The following WDR72 variants were observed in gnomAD, a reference collection of about 807,000 sequenced individuals.
WDR72 encodes WD repeat-containing protein 72.
In WDR72, 120 loss-of-function variants were observed where a neutral mutation model predicts 124.2. The observed-to-expected ratio is 0.97, with a 90% CI of 0.83 to 1.12. The LOEUF is 1.12. Ranked by LOEUF, WDR72 falls within the 50% of genes most tolerant of loss-of-function variation. The pLI is 0.00. For synonymous variants in WDR72, 452 were observed against 441.7 expected (o/e 1.02, Z -0.29); for missense variants, 1,387 against 1,278.8 (o/e 1.08, Z -1.29).
At chr15:53,664,809 C>T (rs1275845716) in intron 14 of WDR72, among the ~76,000 whole-genome samples, 1 of 151,830 alleles carries the variant, frequency 6.6e-6, no homozygotes, top group East Asian at 1.9e-4. Context: ...CAATGATAGA[C>T]ACACCACATA....
At position 53,724,596 on chromosome 15, in the gene WDR72, C is replaced by T. The variant is rs147838918; in HGVS notation, c.154-1688G>A. On this transcript the variant is annotated intron_variant, in intron 2 of 19. Coordinates refer to ENST00000360509, the MANE Select transcript of WDR72 (RefSeq NM_182758.4). ...CAAACTTTTAAACCATAGGATCTCG[C>T]GAGAACTCACTCACTATCACAAGAA... Among the ~76,000 whole-genome samples, 15 of 152,142 alleles carry T rather than the reference C, an allele frequency of 9.9e-5. 2 individuals are homozygous for T. The highest frequency in any genetic ancestry group is 3.4e-4 in the African/African-American group (14 of 41,520).
At chr15:53,735,937 G>T (rs546951219) in intron 1 of WDR72, among the ~76,000 whole-genome samples, 3 of 149,372 alleles carry the variant, frequency 2.0e-5, no homozygotes, top group African/African-American at 7.6e-5. Context: ...AAACATAATC[G>T]TTAAAATATA....
chr15:53,545,421 C>T (rs1268975080), intron 18 of WDR72, among the ~76,000 whole-genome samples: 2 of 149,930 alleles, frequency 1.3e-5, no homozygotes, highest in African/African-American at 2.5e-5. Flanking sequence ...GAAAGGATTC[C>T]CTATTTAATA....
chr15:53,581,721 A>T (rs116898303), intron 18 of WDR72, among the ~76,000 whole-genome samples: 6,385 of 152,126 alleles, frequency 0.042, 153 homozygotes, highest in Middle Eastern at 0.058. Context: ...TTCTGCTATT[A>T]TGCAACAACA....
intron 18 of WDR72, among the ~76,000 whole-genome samples, chr15:53,588,928 G>C (rs2012356741): frequency 6.6e-6 from 1 of 151,876 alleles, no homozygotes; most frequent in Non-Finnish European, 1.5e-5. Context: ...GCTACTGTAA[G>C]AGACCAGGAA....
Position 53,715,317 on chromosome 15 carries a change from A to G in WDR72, c.390T>C (p.Cys130=). The G allele has an allele frequency of 6.2e-7, 1 of 1,614,194 alleles. No individual in the cohort carries two copies. Among genetic ancestry groups the G allele is most frequent in the Non-Finnish European group, 8.5e-7 (1 of 1,180,020 alleles). ...RMTGEGWLLC[C]GEYQDVLIID... ...TTATAAGGACATCTTGATATTCTCC[A>G]CAACAAAGAAGCCAGCCTTCTCCTG... The change falls in exon 5 of 20, where the codon TGT becomes TGC. Residue 130 remains cysteine (C), a synonymous_variant. Transcript: ENST00000360509.
intron 7 of WDR72, among the ~76,000 whole-genome samples, chr15:53,712,548 T>C (rs1269266062): frequency 6.6e-6 from 1 of 151,570 alleles, no homozygotes; most frequent in African/African-American, 2.4e-5. Flanking sequence ...TGAGCTGAGA[T>C]CGTGCCGCTG....
In WDR72 at chr15:53,521,199, T is replaced by C. The variant is rs189164545; in HGVS notation, c.3253+2019A>G. On this transcript the variant is annotated intron_variant, in intron 19 of 19. Coordinates refer to ENST00000360509, the MANE Select transcript of WDR72 (RefSeq NM_182758.4). ...CAAAATAAAACTGCTTCTTTCTTTT[T>C]AGCTAAGTGTTTGCTATGAGCTTAT... 3.2e-3 allele frequency among the ~76,000 whole-genome samples: 494 copies of C among 152,272 alleles called. 3 individuals are homozygous for C. The highest frequency in any genetic ancestry group is 0.014 in the Middle Eastern group (4 of 294).
At chr15:53,621,430 G>GAT (rs57355125) in intron 14 of WDR72, among the ~76,000 whole-genome samples, 30,807 of 123,968 alleles carry the variant, frequency 0.25, 3,707 homozygotes, top group South Asian at 0.33. Context: ...AAGAAACTGT[G>GAT]ATATATATAT....
intron 19 of WDR72, among the ~76,000 whole-genome samples, chr15:53,522,550 C>T (rs941770464): frequency 6.6e-6 from 1 of 151,972 alleles, no homozygotes; most frequent in Admixed American, 6.6e-5. Context: ...TAAGGCTAGG[C>T]GTGTTTCAAA....
At chr15:53,626,602 A>G (rs2014221514) in intron 14 of WDR72, among the ~76,000 whole-genome samples, 1 of 152,224 alleles carries the variant, frequency 6.6e-6, no homozygotes. Flanking sequence ...AGGGGGTTGC[A>G]GTTGCTGGGC....
chr15:53,674,305 G>C (rs951386463), intron 13 of WDR72, among the ~76,000 whole-genome samples: 1 of 152,142 alleles, frequency 6.6e-6, no homozygotes, highest in African/African-American at 2.4e-5. Flanking sequence ...CTGACTGACA[G>C]TTATAATCAA....
chr15:53,623,737 A>G (rs1334852675), intron 14 of WDR72, among the ~76,000 whole-genome samples: 1 of 152,146 alleles, frequency 6.6e-6, no homozygotes, highest in Non-Finnish European at 1.5e-5. Context: ...CTTCCACAGT[A>G]GGTGAACTAA....
chr15:53,748,751 A>G (rs2018704618), intron 1 of WDR72, among the ~76,000 whole-genome samples: 1 of 152,274 alleles, frequency 6.6e-6, no homozygotes, highest in Admixed American at 6.5e-5. Flanking sequence ...AGATATCCAT[A>G]CTAGTCTCCT....
At chr15:53,624,042 GT>G (rs1201479340) in intron 14 of WDR72, among the ~76,000 whole-genome samples, 3 of 152,120 alleles carry the variant, frequency 2.0e-5, no homozygotes, top group East Asian at 3.9e-4. Context: ...TTTTTTGCTT[GT>G]TCAATTAAGT....
At chr15:53,554,261 CTTGTAGT>C (rs1474881893) in intron 18 of WDR72, among the ~76,000 whole-genome samples, 7 of 151,960 alleles carry the variant, frequency 4.6e-5, no homozygotes, top group Non-Finnish European at 7.4e-5. Flanking sequence ...ATTGTCTCTA[CTTGTAGT>C]AATATCACAC....
chr15:53,742,441 C>A (rs768215251), intron 1 of WDR72, among the ~76,000 whole-genome samples: 1 of 152,086 alleles, frequency 6.6e-6, no homozygotes, highest in Non-Finnish European at 1.5e-5. Flanking sequence ...GATTACAAAC[C>A]TCTATCATAG....
chr15:53,707,478 G>A (rs899644521), intron 9 of WDR72, among the ~76,000 whole-genome samples: 2 of 150,870 alleles, frequency 1.3e-5, no homozygotes, highest in Admixed American at 6.6e-5. Flanking sequence ...ACAGAGTCTC[G>A]CTCTGTTGCC....
chr15:53,521,271 T>A (rs1324059254), intron 19 of WDR72, among the ~76,000 whole-genome samples: 1 of 152,114 alleles, frequency 6.6e-6, no homozygotes, highest in Non-Finnish European at 1.5e-5. Context: ...CCCAGCCCCC[T>A]TTATTCCTCA....
Sources: gnomAD v4.1 joint callset for allele counts (sites outside exome capture counted in the v4.1 genomes callset) on GRCh38, gnomAD v4.1.1 for gene constraint, MANE v1.5 for transcripts, NCBI Gene and HGNC (gene_info 2026-07-23, HGNC 2026-07-21) for gene names.